GTF2F2: variants seen among roughly 807,000 people sequenced by gnomAD.
GTF2F2 encodes ATP-dependent helicase GTF2F2.
GTF2F2 carries 23 observed loss-of-function variants against 42.2 expected under a neutral mutation model. The observed-to-expected ratio is 0.55, with a 90% CI of 0.39 to 0.77. GTF2F2 has a LOEUF of 0.77. Ranked by LOEUF, GTF2F2 falls within the 30% of genes least tolerant of loss-of-function variation. The pLI, the probability that GTF2F2 is intolerant of heterozygous loss-of-function variation, is 0.00. For synonymous variants in GTF2F2, 105 were observed against 100.8 expected (o/e 1.04, Z -0.25); for missense variants, 261 against 287.2 (o/e 0.91, Z 0.66).
chr13:45,161,101 T>C lies in GTF2F2; in HGVS notation c.304+9270T>C, dbSNP rs77244623. The stretch of plus-strand genomic sequence containing the variant: ...AAGGACATTGTGAAGTGAAACAGAC[T>C]TTTTAAAAAATTGCAAGTGCTAGGT... On this transcript the variant is annotated intron_variant, in intron 4 of 7. Transcript: ENST00000340473. 3.0e-3 allele frequency among the ~76,000 whole-genome samples: 460 copies of C among 152,270 alleles called. 2 individuals carry two copies. Among genetic ancestry groups the C allele is most frequent in the Non-Finnish European group, 5.6e-3 (379 of 68,018 alleles).
chr13:45,242,412 C>G (rs1449517357), intron 5 of GTF2F2, among the ~76,000 whole-genome samples: 1 of 152,008 alleles, frequency 6.6e-6, no homozygotes, highest in Non-Finnish European at 1.5e-5. Flanking sequence ...CCGTCTCCCC[C>G]TTTCAAAAAT....
chr13:45,200,666 A>G (rs1157948914), intron 4 of GTF2F2, among the ~76,000 whole-genome samples: 6 of 152,154 alleles, frequency 3.9e-5, no homozygotes, highest in Admixed American at 3.9e-4. Context: ...TAATACAGGG[A>G]TAGAAAGTTT....
rs565151042 is a variant in GTF2F2 at position 45,228,471 on chromosome 13, CG to C, written c.386+20967del. Among the ~76,000 whole-genome samples, 320 of 150,308 alleles carry C rather than the reference CG, an allele frequency of 2.1e-3. 1 individual carries two copies. Among genetic ancestry groups the C allele is most frequent in the African/African-American group, 7.7e-3 (315 of 40,716 alleles). ...TTTTCATTTCTCGAGCAGTACCTGA[CG>C]CTGGGCCAGACTTAGATTAGGCCCC... On this transcript the variant is annotated intron_variant, in intron 5 of 7. Coordinates refer to ENST00000340473, the MANE Select transcript of GTF2F2 (RefSeq NM_004128.3).
chr13:45,182,722 C>T (rs568550877), intron 4 of GTF2F2, among the ~76,000 whole-genome samples: 2 of 152,192 alleles, frequency 1.3e-5, no homozygotes, highest in African/African-American at 2.4e-5. Context: ...AATCATTTTG[C>T]TGATTGTTCA....
At chr13:45,131,897 CAAAAAAAAA>C (rs765260379) in intron 1 of GTF2F2, among the ~76,000 whole-genome samples, 19 of 53,186 alleles carry the variant, frequency 3.6e-4, no homozygotes, top group South Asian at 8.7e-4. Context: ...GACCCTGTCT[CAAAAAAAAA>C]AAAAAAAAAA....
At position 45,182,392 on chromosome 13, in the gene GTF2F2, C is replaced by T. The variant is rs192934684; in HGVS notation, c.305-25032C>T. On this transcript the variant is annotated intron_variant, in intron 4 of 7. Transcript: ENST00000340473. ...GATTACAGGTATGAATCACTGCACC[C>T]GGCCACTTTCCCAATGTTCTTACTT... is the stretch of plus-strand genomic sequence containing the variant. 9.7e-4 allele frequency among the ~76,000 whole-genome samples: 148 copies of T among 152,122 alleles called. 1 individual carries two copies. Among genetic ancestry groups the T allele is most frequent in the African/African-American group, 3.4e-3 (142 of 41,438 alleles).
intron 1 of GTF2F2, among the ~76,000 whole-genome samples, chr13:45,129,728 G>A (rs767873769): frequency 4.6e-5 from 7 of 152,176 alleles, no homozygotes; most frequent in Non-Finnish European, 7.3e-5. Flanking sequence ...TGCCTATTCA[G>A]ATACGTTCTA....
intron 3 of GTF2F2, among the ~76,000 whole-genome samples, chr13:45,150,647 G>GAA (rs370971827): frequency 7.7e-5 from 10 of 130,384 alleles, no homozygotes; most frequent in African/African-American, 3.2e-4. Flanking sequence ...AGATTTTAGG[G>GAA]AAAAAAAAAA....
chr13:45,139,373 C>T (rs954995220), intron 2 of GTF2F2, among the ~76,000 whole-genome samples: 7 of 152,196 alleles, frequency 4.6e-5, no homozygotes, highest in African/African-American at 1.2e-4. Flanking sequence ...TGTCCACGCT[C>T]GTAATTCTGA....
At chr13:45,131,033 A>C (rs996561382) in intron 1 of GTF2F2, among the ~76,000 whole-genome samples, 5 of 151,910 alleles carry the variant, frequency 3.3e-5, no homozygotes, top group Admixed American at 6.6e-5. Flanking sequence ...TGGGCGGATC[A>C]CCTGAGGTCA....
At chr13:45,165,567 GC>G (rs760943482) in intron 4 of GTF2F2, among the ~76,000 whole-genome samples, 8 of 118,066 alleles carry the variant, frequency 6.8e-5, no homozygotes, top group East Asian at 2.1e-4. Flanking sequence ...CACTGCCCTC[GC>G]CCCCCCCCGC....
intron 4 of GTF2F2, among the ~76,000 whole-genome samples, chr13:45,179,164 A>G (rs992673849): frequency 1.3e-5 from 2 of 152,204 alleles, no homozygotes; most frequent in African/African-American, 4.8e-5. Flanking sequence ...GATTCAAAGC[A>G]AGGGAAAATA....
intron 5 of GTF2F2, among the ~76,000 whole-genome samples, chr13:45,208,618 G>A (rs1873514626): frequency 6.6e-6 from 1 of 152,120 alleles, no homozygotes; most frequent in South Asian, 2.1e-4. Flanking sequence ...TAGTGGTAGT[G>A]GCCTGTTGGA....
chr13:45,261,613 A>G (rs1046222173), intron 6 of GTF2F2, among the ~76,000 whole-genome samples: 2 of 152,124 alleles, frequency 1.3e-5, no homozygotes, highest in Admixed American at 1.3e-4. Context: ...AATTCACACA[A>G]TATAAAAGCT....
At chr13:45,130,192 T>C (rs1348763878) in intron 1 of GTF2F2, among the ~76,000 whole-genome samples, 1 of 152,180 alleles carries the variant, frequency 6.6e-6, no homozygotes, top group Non-Finnish European at 1.5e-5. Context: ...AATCGTGGAC[T>C]GTGGAGTCGA....
intron 4 of GTF2F2, among the ~76,000 whole-genome samples, chr13:45,199,734 T>C (rs1873082460): frequency 1.3e-5 from 2 of 152,232 alleles, no homozygotes; most frequent in South Asian, 4.1e-4. Context: ...AATCTCAAAA[T>C]GAAGGGCATA....
chr13:45,123,923 G>A (rs1868827148), intron 1 of GTF2F2: 3 of 476,092 alleles, frequency 6.3e-6, no homozygotes, highest in Non-Finnish European at 1.2e-5. Flanking sequence ...TCTTAGTGTG[G>A]TTGGGGACTG....
chr13:45,280,792 G>A (rs1877230149), intron 7 of GTF2F2, among the ~76,000 whole-genome samples: 1 of 152,116 alleles, frequency 6.6e-6, no homozygotes, highest in Non-Finnish European at 1.5e-5. Flanking sequence ...TTATAAATGG[G>A]CACACTAGAC....
chr13:45,147,913 A>G (rs573141682), intron 2 of GTF2F2, among the ~76,000 whole-genome samples: 1 of 152,294 alleles, frequency 6.6e-6, no homozygotes, highest in South Asian at 2.1e-4. Flanking sequence ...CATGACAGGT[A>G]CATTTATGGT....
Sources: gnomAD v4.1 joint callset for allele counts (sites outside exome capture counted in the v4.1 genomes callset) on GRCh38, gnomAD v4.1.1 for gene constraint, MANE v1.5 for transcripts, NCBI Gene and HGNC (gene_info 2026-07-23, HGNC 2026-07-21) for gene names.